PREX2: variants seen among roughly 807,000 people sequenced by gnomAD.
PREX2 encodes the protein phosphatidylinositol-3,4,5-trisphosphate dependent Rac exchange factor 2.
A neutral mutation model predicts 203.2 loss-of-function variants in PREX2; 107 were observed. That is an observed-to-expected ratio of 0.53 (90% CI 0.45 to 0.62). The LOEUF (loss-of-function observed/expected upper bound fraction) is 0.62. Ranked by LOEUF, PREX2 falls within the 20% of genes least tolerant of loss-of-function variation. PREX2 has a pLI of 0.00. For missense variants in PREX2, 1,777 were observed against 1,955.9 expected (o/e 0.91, Z 1.72); for synonymous variants, 672 against 663.6 (o/e 1.01, Z -0.19).
In PREX2 at chr8:68,072,715, T is replaced by A. The variant is rs1585759320; in HGVS notation, c.1569+145T>A. The A allele has an allele frequency of 2.2e-5, 11 of 509,030 alleles. No individual in the cohort carries two copies. The East Asian group carries it at 3.5e-4, about 16-fold the overall frequency. 31.5% of individuals were successfully genotyped at this position (509,030 alleles called of 1,614,324 possible). On this transcript the variant is annotated intron_variant, in intron 14 of 39. Coordinates refer to ENST00000288368, the MANE Select transcript of PREX2 (RefSeq NM_024870.4). ...CAACTAATAGGAAGCAGAGTTAGGATTTGAACCTAGATGATCAATTTTAGA... is the reference window on the plus strand; with the variant it reads ...CAACTAATAGGAAGCAGAGTTAGGAATTGAACCTAGATGATCAATTTTAGA...
chr8:68,096,826 C>A (rs1164276626), intron 21 of PREX2, among the ~76,000 whole-genome samples, 191 bp from the exon 22 acceptor site: 5 of 152,146 alleles, frequency 3.3e-5, no homozygotes, highest in Admixed American at 2.6e-4. Flanking sequence ...AGGTTTGGAT[C>A]ACTCAAGCAT....
In PREX2 at chr8:68,231,469, C is replaced by T. The variant is rs1477742799; in HGVS notation, c.*91C>T. Reference sequence around the variant, plus strand: ...GGCTAAACATTCTCCACTGAAGATACATCAATGCTTTTTTTTTTTTTTTTT... The same window carrying T: ...GGCTAAACATTCTCCACTGAAGATATATCAATGCTTTTTTTTTTTTTTTTT... On this transcript the variant is annotated 3_prime_UTR_variant, in exon 40 of 40. Coordinates refer to ENST00000288368, the MANE Select transcript of PREX2 (RefSeq NM_024870.4). 1 of 646,414 alleles carries T rather than the reference C, an allele frequency of 1.5e-6. No homozygotes were observed. Among genetic ancestry groups the T allele is most frequent in the Non-Finnish European group, 2.4e-6 (1 of 417,990 alleles). The allele number at this position is 646,414 out of a possible 1,614,324, so 40.0% of individuals were successfully genotyped here. A position where few individuals can be genotyped will look rare whatever the true frequency, so the allele number is the denominator to read the frequency against.
intron 29 of PREX2, 49 bp downstream of exon 29, chr8:68,120,335 G>C (rs374053636): frequency 7.8e-7 from 1 of 1,285,246 alleles, no homozygotes; most frequent in Non-Finnish European, 1.1e-6. Flanking sequence ...AAAACAAGGT[G>C]GTAGACAATA....
intron 35 of PREX2, among the ~76,000 whole-genome samples, chr8:68,168,069 T>G (rs1320833635): frequency 6.6e-6 from 1 of 152,200 alleles, no homozygotes; most frequent in Non-Finnish European, 1.5e-5. Context: ...TAAATGTGCT[T>G]TATTTATGGT....
At chr8:68,136,390 G>A (rs1262492353) in intron 32 of PREX2, among the ~76,000 whole-genome samples, 1 of 152,062 alleles carries the variant, frequency 6.6e-6, no homozygotes, top group Non-Finnish European at 1.5e-5. Flanking sequence ...TGTCACAAAG[G>A]CAGAAAGAAA....
At chr8:68,136,447 G>A (rs915644338) in intron 32 of PREX2, among the ~76,000 whole-genome samples, 4 of 152,182 alleles carry the variant, frequency 2.6e-5, no homozygotes, top group African/African-American at 4.8e-5. Context: ...CGCTCTGGTG[G>A]TCTGTGTGCC....
intron 38 of PREX2, among the ~76,000 whole-genome samples, chr8:68,221,567 C>T (rs1812953820): frequency 6.6e-6 from 1 of 151,990 alleles, no homozygotes; most frequent in South Asian, 2.1e-4. Flanking sequence ...TGATTTGGAA[C>T]TTGGAAGATA....
intron 26 of PREX2, 105 bp downstream of exon 26, chr8:68,116,037 T>C: frequency 1.0e-6 from 1 of 976,240 alleles, no homozygotes; most frequent in Admixed American, 2.5e-5. Flanking sequence ...TTCTTTTAAT[T>C]GGTCTTTCAC....
intron 4 of PREX2, among the ~76,000 whole-genome samples, chr8:68,024,279 T>C (rs1807650494): frequency 6.6e-6 from 1 of 152,052 alleles, no homozygotes; most frequent in African/African-American, 2.4e-5. Flanking sequence ...GAGAATGAGA[T>C]ATTGAAATCT....
chr8:68,086,349 G>C (rs1427712509), intron 18 of PREX2, among the ~76,000 whole-genome samples: 1 of 152,114 alleles, frequency 6.6e-6, no homozygotes, highest in Non-Finnish European at 1.5e-5. Flanking sequence ...TGAAGTGTTT[G>C]AGCCCTTAGT....
At chr8:68,202,715 C>T (rs1430129158) in intron 37 of PREX2, among the ~76,000 whole-genome samples, 1 of 151,996 alleles carries the variant, frequency 6.6e-6, no homozygotes, top group Non-Finnish European at 1.5e-5. Context: ...ACAGTTCTGC[C>T]AAGGGACAGA....
intron 8 of PREX2, among the ~76,000 whole-genome samples, chr8:68,047,508 C>CATATATATATATATATATAT (rs1808400901): frequency 3.6e-5 from 2 of 55,572 alleles, no homozygotes; most frequent in African/African-American, 1.8e-4. Flanking sequence ...TATATATATA[C>CATATATATATATATATATAT]ACATACATAT....
At chr8:68,009,584 T>C (rs961393488) in intron 1 of PREX2, among the ~76,000 whole-genome samples, 2 of 152,220 alleles carry the variant, frequency 1.3e-5, no homozygotes, top group Admixed American at 1.3e-4. Flanking sequence ...ATTTCGTGTT[T>C]TTCACCAGCT....
At chr8:68,037,677 T>G (rs1808072817) in intron 6 of PREX2, among the ~76,000 whole-genome samples, 1 of 152,176 alleles carries the variant, frequency 6.6e-6, no homozygotes, top group African/African-American at 2.4e-5. Flanking sequence ...TTAAATAATT[T>G]TTCTCTTTTT....
chr8:68,009,059 G>A (rs1334833732), intron 1 of PREX2, among the ~76,000 whole-genome samples: 1 of 152,162 alleles, frequency 6.6e-6, no homozygotes, highest in Non-Finnish European at 1.5e-5. Context: ...CTCATGGATT[G>A]CACAGTGAGT....
At chr8:68,148,034 G>T (rs1400850203) in intron 34 of PREX2, among the ~76,000 whole-genome samples, 1 of 152,068 alleles carries the variant, frequency 6.6e-6, no homozygotes, top group African/African-American at 2.4e-5. Context: ...ATCACCTGAG[G>T]TCAGGAGTTA....
chr8:68,053,757 T>C (rs1424384501), intron 9 of PREX2, among the ~76,000 whole-genome samples: 1 of 152,188 alleles, frequency 6.6e-6, no homozygotes, highest in African/African-American at 2.4e-5. Flanking sequence ...TTTGGATTTA[T>C]ACAAACTTTT....
chr8:68,033,908 C>A (rs6993366), intron 6 of PREX2, among the ~76,000 whole-genome samples: 2 of 151,894 alleles, frequency 1.3e-5, no homozygotes, highest in African/African-American at 2.4e-5. Context: ...GCTATTTAAC[C>A]TACACGAGTT....
In PREX2 at chr8:68,069,147, C is replaced by T; in HGVS notation, c.1443+11C>T. The T allele has an allele frequency of 8.1e-7, 1 of 1,231,424 alleles. No homozygotes were observed. Among genetic ancestry groups the T allele is most frequent in the South Asian group, 1.3e-5 (1 of 75,004 alleles). The allele number at this position is 1,231,424 out of a possible 1,614,324, so 76.3% of individuals were successfully genotyped here. A position where few individuals can be genotyped will look rare whatever the true frequency, so the allele number is the denominator to read the frequency against. On this transcript the variant is annotated intron_variant, in intron 12 of 39. Coordinates refer to ENST00000288368, the MANE Select transcript of PREX2 (RefSeq NM_024870.4). ...GACGTGATTTCAAAGGTAACGACCTCTCCCACAACCTCTCCAATAGTAGAA... is the reference window on the plus strand; with the variant it reads ...GACGTGATTTCAAAGGTAACGACCTTTCCCACAACCTCTCCAATAGTAGAA...
Sources: allele counts gnomAD v4.1 joint callset (sites outside exome capture counted in the v4.1 genomes callset), GRCh38; gene constraint gnomAD v4.1.1; transcripts MANE v1.5; gene names NCBI Gene and HGNC (gene_info 2026-07-23, HGNC 2026-07-21).